WWOX: variants seen among roughly 807,000 people sequenced by gnomAD.
The protein encoded by WWOX is WW domain-containing oxidoreductase.
A neutral mutation model predicts 46.2 loss-of-function variants in WWOX; 69 were observed. The observed-to-expected ratio is 1.49, with a 90% CI of 1.23 to 1.82. The LOEUF (loss-of-function observed/expected upper bound fraction) is 1.82. Ranked by LOEUF, WWOX falls within the 40% of genes most tolerant of loss-of-function variation. WWOX has a pLI of 0.00. For synonymous variants in WWOX, 359 were observed against 202.6 expected (o/e 1.77, Z -6.56); for missense variants, 919 against 542.6 (o/e 1.69, Z -6.89).
At chr16:78,778,004 C>T (rs1193710131) in intron 8 of WWOX, among the ~76,000 whole-genome samples, 3 of 141,294 alleles carry the variant, frequency 2.1e-5, no homozygotes, top group African/African-American at 8.0e-5. Flanking sequence ...AAGATCGCAT[C>T]ACTGCACTCC....
chr16:78,445,076 C>T (rs1016876802), intron 8 of WWOX, among the ~76,000 whole-genome samples: 2 of 152,026 alleles, frequency 1.3e-5, no homozygotes, highest in Non-Finnish European at 1.5e-5. Flanking sequence ...CAGGTGAGCT[C>T]ATCTGTGAAA....
chr16:78,779,330 A>G (rs182508793), intron 8 of WWOX, among the ~76,000 whole-genome samples: 1 of 152,112 alleles, frequency 6.6e-6, no homozygotes, highest in South Asian at 2.1e-4. Context: ...TATTTTTAGT[A>G]GAGAGGCAGT....
chr16:78,296,452 C>T (rs989576771), intron 5 of WWOX, among the ~76,000 whole-genome samples: 5 of 151,174 alleles, frequency 3.3e-5, no homozygotes, highest in African/African-American at 7.3e-5. Flanking sequence ...TTGGCGCCTT[C>T]GATGAGCAAA....
At chr16:78,943,559 C>T (rs147636664) in intron 8 of WWOX, among the ~76,000 whole-genome samples, 2 of 152,274 alleles carry the variant, frequency 1.3e-5, no homozygotes. Flanking sequence ...CAGTTTCTGA[C>T]ACATCACCAT....
At chr16:79,040,705 A>C (rs770489087) in intron 8 of WWOX, among the ~76,000 whole-genome samples, 1 of 152,084 alleles carries the variant, frequency 6.6e-6, no homozygotes, top group Non-Finnish European at 1.5e-5. Context: ...AAAGAGTCAC[A>C]GATCATTGGG....
intron 8 of WWOX, among the ~76,000 whole-genome samples, chr16:78,491,327 A>G (rs1210725681): frequency 6.6e-6 from 1 of 152,186 alleles, no homozygotes; most frequent in African/African-American, 2.4e-5. Context: ...CCCCTTGGGG[A>G]AAGGACCAAG....
At chr16:78,278,302 G>A (rs900657643) in intron 5 of WWOX, among the ~76,000 whole-genome samples, 9 of 152,264 alleles carry the variant, frequency 5.9e-5, no homozygotes, top group African/African-American at 2.2e-4. Context: ...TCTCTGCCAA[G>A]TATAGTAATA....
chr16:79,119,340 C>T (rs547218596), intron 8 of WWOX, among the ~76,000 whole-genome samples: 1 of 152,252 alleles, frequency 6.6e-6, no homozygotes, highest in Admixed American at 6.5e-5. Flanking sequence ...TGGAGGGTTT[C>T]TAAAGAGGTT....
At chr16:78,394,428 C>T (rs1405032631) in intron 6 of WWOX, among the ~76,000 whole-genome samples, 1 of 144,398 alleles carries the variant, frequency 6.9e-6, no homozygotes, top group African/African-American at 2.6e-5. Context: ...TGAAAAAGCA[C>T]ACTGTGAAAT....
intron 8 of WWOX, among the ~76,000 whole-genome samples, chr16:78,974,269 C>G (rs73567305): frequency 0.012 from 1,795 of 152,282 alleles, 16 homozygotes; most frequent in African/African-American, 0.031. Context: ...AATGACCGCA[C>G]AGCACAAAGC....
chr16:78,656,291 A>C (rs1264948534), intron 8 of WWOX, among the ~76,000 whole-genome samples: 1 of 151,740 alleles, frequency 6.6e-6, no homozygotes, highest in African/African-American at 2.4e-5. Flanking sequence ...GGGATCACCC[A>C]CTCCAACATG....
At chr16:79,015,309 A>T (rs915525377) in intron 8 of WWOX, among the ~76,000 whole-genome samples, 5 of 152,194 alleles carry the variant, frequency 3.3e-5, no homozygotes, top group Admixed American at 2.0e-4. Context: ...TGAAGTTGAG[A>T]TGAACAGAAT....
intron 8 of WWOX, among the ~76,000 whole-genome samples, chr16:78,630,943 C>G (rs563359304): frequency 6.6e-6 from 1 of 152,088 alleles, no homozygotes; most frequent in South Asian, 2.1e-4. Context: ...TTCGAACAAA[C>G]GGAGGGTGGT....
intron 8 of WWOX, chr16:79,101,546 G>A (rs1261967028): frequency 1.3e-5 from 2 of 152,086 alleles, no homozygotes; most frequent in South Asian, 4.1e-4. Flanking sequence ...GTCTACAGTG[G>A]GTCCTGGGAA....
At chr16:78,485,037 C>G (rs1313358379) in intron 8 of WWOX, among the ~76,000 whole-genome samples, 1 of 152,034 alleles carries the variant, frequency 6.6e-6, no homozygotes, top group Non-Finnish European at 1.5e-5. Context: ...CCAAAGATGC[C>G]CCATGAAACT....
intron 8 of WWOX, among the ~76,000 whole-genome samples, chr16:79,202,230 A>T (rs966425940): frequency 2.0e-5 from 3 of 152,128 alleles, no homozygotes; most frequent in African/African-American, 4.8e-5. Context: ...TTACTGACCT[A>T]TTATATACAG....
intron 5 of WWOX, among the ~76,000 whole-genome samples, chr16:78,271,631 G>C (rs141235035): frequency 2.4e-3 from 369 of 152,322 alleles, no homozygotes; most frequent in African/African-American, 8.5e-3. Context: ...CAGTGAGGTG[G>C]AGCCTCTGAG....
intron 8 of WWOX, chr16:78,496,304 C>T (rs2084917140): frequency 6.6e-6 from 1 of 152,244 alleles, no homozygotes; most frequent in African/African-American, 2.4e-5. Flanking sequence ...TGTTTGCAGT[C>T]ATCACTGATG....
chr16:78,569,194 G>A, intron 8 of WWOX, among the ~76,000 whole-genome samples: 1 of 152,206 alleles, frequency 6.6e-6, no homozygotes, highest in Non-Finnish European at 1.5e-5. Flanking sequence ...CTGTAGCAAA[G>A]ATGTACTGTT....
Sources: gnomAD v4.1 joint callset for allele counts (sites outside exome capture counted in the v4.1 genomes callset) on GRCh38, gnomAD v4.1.1 for gene constraint, MANE v1.5 for transcripts, NCBI Gene and HGNC (gene_info 2026-07-23, HGNC 2026-07-21) for gene names.